PABPC4L: variants seen among roughly 807,000 people sequenced by gnomAD.
The protein encoded by PABPC4L is poly(A) binding protein cytoplasmic 4 like.
For synonymous variants in PABPC4L, 169 were observed against 164.1 expected, an observed-to-expected ratio of 1.03 and a Z score of -0.23; for missense variants, 452 against 451.4, an observed-to-expected ratio of 1.00 and a Z score of -0.01.
chr4:133,954,289 G>A, the PABPC4L span, among the ~76,000 whole-genome samples: 3 of 152,060 alleles, frequency 2.0e-5, no homozygotes, highest in African/African-American at 7.2e-5. Flanking sequence ...TCTTTACTAC[G>A]CTCTTTTTCT....
the PABPC4L span, among the ~76,000 whole-genome samples, chr4:134,077,256 G>A: frequency 6.6e-6 from 1 of 152,130 alleles, no homozygotes; most frequent in African/African-American, 2.4e-5. Flanking sequence ...GTTGAACATT[G>A]CTTTCTTTAT....
At chr4:133,957,873 C>G in the PABPC4L span, among the ~76,000 whole-genome samples, 4 of 152,206 alleles carry the variant, frequency 2.6e-5, no homozygotes, top group Admixed American at 6.5e-5. Flanking sequence ...AGCTGAAGCA[C>G]CTGGGATGCT....
the PABPC4L span, among the ~76,000 whole-genome samples, chr4:133,971,203 C>T: frequency 6.6e-6 from 1 of 150,560 alleles, no homozygotes; most frequent in Non-Finnish European, 1.5e-5. Flanking sequence ...AGCTCCGCCT[C>T]CTGGGTTCAC....
At chr4:133,969,287 T>C in the PABPC4L span, among the ~76,000 whole-genome samples, 1 of 152,202 alleles carries the variant, frequency 6.6e-6, no homozygotes, top group Admixed American at 6.5e-5. Flanking sequence ...TCTGTGAAAC[T>C]GAAAATGAAA....
chr4:133,960,221 C>A, the PABPC4L span, among the ~76,000 whole-genome samples: 1 of 152,086 alleles, frequency 6.6e-6, no homozygotes, highest in Admixed American at 6.5e-5. Flanking sequence ...CCTGAAGGAC[C>A]CAGGAGACAC....
chr4:134,190,953 C>T, the PABPC4L span, among the ~76,000 whole-genome samples: 1 of 152,066 alleles, frequency 6.6e-6, no homozygotes, highest in African/African-American at 2.4e-5. Context: ...CACTCAGCCT[C>T]AATTCAAAAT....
At chr4:134,054,696 A>G in the PABPC4L span, among the ~76,000 whole-genome samples, 1 of 151,954 alleles carries the variant, frequency 6.6e-6, no homozygotes, top group East Asian at 1.9e-4. Flanking sequence ...TTTGATATCC[A>G]TTTGAGCTGT....
chr4:134,051,634 T>C, the PABPC4L span, among the ~76,000 whole-genome samples: 1 of 152,120 alleles, frequency 6.6e-6, no homozygotes, highest in Non-Finnish European at 1.5e-5. Flanking sequence ...CTTTAAAGTG[T>C]AAATAAGCCG....
At chr4:134,130,260 T>G in the PABPC4L span, among the ~76,000 whole-genome samples, 2 of 152,006 alleles carry the variant, frequency 1.3e-5, no homozygotes, top group South Asian at 4.2e-4. Context: ...TTTGAAAAAT[T>G]AATTAAAATT....
chr4:134,192,776 C>T (rs1019216578), downstream of PABPC4L, among the ~76,000 whole-genome samples: 2 of 152,012 alleles, frequency 1.3e-5, no homozygotes, highest in Admixed American at 6.6e-5. Context: ...AGGATTCATG[C>T]TGTATGAATC....
chr4:134,028,026 T>C, the PABPC4L span, among the ~76,000 whole-genome samples: 1 of 152,130 alleles, frequency 6.6e-6, no homozygotes, highest in South Asian at 2.1e-4. Context: ...TTTCTGTAGT[T>C]AGGTTGGTGT....
the PABPC4L span, among the ~76,000 whole-genome samples, chr4:133,964,314 G>A: frequency 2.7e-5 from 4 of 146,868 alleles, no homozygotes; most frequent in Non-Finnish European, 5.9e-5. Context: ...CAGTGAGATT[G>A]AAAATGGTAA....
chr4:134,023,994 T>C, the PABPC4L span, among the ~76,000 whole-genome samples: 1 of 152,148 alleles, frequency 6.6e-6, no homozygotes, highest in Admixed American at 6.6e-5. Context: ...TTATGATCAA[T>C]AACAAAAATA....
the PABPC4L span, among the ~76,000 whole-genome samples, chr4:134,116,195 C>A: frequency 6.6e-6 from 1 of 151,716 alleles, no homozygotes; most frequent in African/African-American, 2.4e-5. Context: ...TATCTGCAGA[C>A]CTGTTATTCA....
At chr4:134,138,493 T>A in the PABPC4L span, among the ~76,000 whole-genome samples, 2 of 151,822 alleles carry the variant, frequency 1.3e-5, no homozygotes, top group Non-Finnish European at 3.0e-5. Context: ...GGACTATTTT[T>A]AATTACTGTT....
the PABPC4L span, among the ~76,000 whole-genome samples, chr4:134,082,374 A>G: frequency 6.6e-6 from 1 of 152,132 alleles, no homozygotes; most frequent in Non-Finnish European, 1.5e-5. Flanking sequence ...CATGTAGGCC[A>G]GTGTTAGTCT....
chr4:134,071,856 T>C, the PABPC4L span, among the ~76,000 whole-genome samples: 1 of 152,160 alleles, frequency 6.6e-6, no homozygotes, highest in East Asian at 1.9e-4. Context: ...ACTTTATAGT[T>C]GCCTGTTTGT....
the PABPC4L span, among the ~76,000 whole-genome samples, chr4:134,134,695 TA>T: frequency 0.016 from 2,320 of 149,028 alleles, 52 homozygotes; most frequent in African/African-American, 0.053. Flanking sequence ...TAATATATAA[TA>T]TATATTTTAG....
At chr4:134,070,990 C>A in the PABPC4L span, among the ~76,000 whole-genome samples, 1 of 152,170 alleles carries the variant, frequency 6.6e-6, no homozygotes, top group Non-Finnish European at 1.5e-5. Flanking sequence ...GGACATGCTC[C>A]ACTGCAGATG....
Sources: allele counts gnomAD v4.1 joint callset (sites outside exome capture counted in the v4.1 genomes callset), GRCh38; gene constraint gnomAD v4.1.1; transcripts MANE v1.5; gene names NCBI Gene and HGNC (gene_info 2026-07-23, HGNC 2026-07-21).